The following SPTBN4 variants were observed in gnomAD, a reference collection of about 807,000 sequenced individuals.
SPTBN4 encodes the protein spectrin beta, non-erythrocytic 4, also known as spectrin beta chain, non-erythrocytic 4.
A neutral mutation model predicts 277.8 loss-of-function variants in SPTBN4; 96 were observed. The observed-to-expected ratio is 0.35, with a 90% CI of 0.29 to 0.41. SPTBN4 has a LOEUF of 0.41. Among genes scored for constraint, SPTBN4 ranks in the 10% least tolerant of loss-of-function variants. The pLI, the probability that SPTBN4 is intolerant of heterozygous loss-of-function variation, is 1.00. For synonymous variants in SPTBN4, 1,481 were observed against 1,580.3 expected, an observed-to-expected ratio of 0.94 and a Z score of 1.49; for missense variants, 3,006 against 3,595.7, an observed-to-expected ratio of 0.84 and a Z score of 4.19.
intron 13 of SPTBN4, among the ~76,000 whole-genome samples, chr19:40,507,734 C>T (rs2080346295): frequency 6.6e-6 from 1 of 152,078 alleles, no homozygotes; most frequent in Non-Finnish European, 1.5e-5. Context: ...ACTCAGGAGG[C>T]TGAGGTGGGA....
Position 40,523,423 on chromosome 19 carries a change from T to G in SPTBN4, c.3655-14T>G. The stretch of plus-strand genomic sequence containing the variant: ...AATGAGGCTGACCTTTGCACCACGC[T>G]CCCTCCTCCCCAGGAGATGGCGCTG... On this transcript the variant is annotated splice_polypyrimidine_tract_variant and intron_variant, in intron 16 of 35. Transcript: ENST00000598249. 6.3e-7 allele frequency: 1 copy of G among 1,583,788 alleles called. No homozygotes were observed. Among genetic ancestry groups the G allele is most frequent in the East Asian group, 2.3e-5 (1 of 43,556 alleles).
chr19:40,529,124 G>T lies in SPTBN4; in HGVS notation c.3941G>T (p.Cys1314Phe), dbSNP rs754126425. 1 of 1,613,902 alleles carries T rather than the reference G, an allele frequency of 6.2e-7. No homozygotes were observed. The highest frequency in any genetic ancestry group is 1.1e-5 in the South Asian group (1 of 91,078). Reference protein sequence around the residue: ...QLELQHFLRDCHELDGWIHEK... With the variant: ...QLELQHFLRDFHELDGWIHEK... The stretch of plus-strand genomic sequence containing the variant: ...GAGCTGCAGCACTTCCTCCGAGACT[G>T]CCACGAGGTAGGAACTCCAGGTGTG... The change falls in exon 18 of 36, where the codon TGC (cysteine) becomes TTC (phenylalanine). Residue 1314 changes from cysteine to phenylalanine, a missense_variant. Coordinates refer to ENST00000598249, the MANE Select transcript of SPTBN4 (RefSeq NM_020971.3).
intron 17 of SPTBN4, among the ~76,000 whole-genome samples, chr19:40,527,597 T>C (rs188651258): frequency 1.3e-5 from 2 of 152,272 alleles, no homozygotes; most frequent in East Asian, 1.9e-4. Context: ...TGAGTAGATG[T>C]TGGGGGAAGG....
At chr19:40,559,845 A>T (rs1026230734) in intron 26 of SPTBN4, among the ~76,000 whole-genome samples, 15 of 152,236 alleles carry the variant, frequency 9.9e-5, no homozygotes, top group Non-Finnish European at 2.9e-5. Context: ...CAAAGTGGAA[A>T]GGGGTTTCCT....
chr19:40,548,472 A>G (rs1190164255), intron 20 of SPTBN4, among the ~76,000 whole-genome samples: 1 of 151,906 alleles, frequency 6.6e-6, no homozygotes, highest in Non-Finnish European at 1.5e-5. Context: ...CCTGGATGAC[A>G]CAGCACCCAG....
intron 35 of SPTBN4, among the ~76,000 whole-genome samples, chr19:40,573,390 T>C (rs928382090): frequency 6.6e-6 from 1 of 152,184 alleles, no homozygotes; most frequent in African/African-American, 2.4e-5. Context: ...TGCAAAGGGT[T>C]AACTGCTGGA....
Position 40,560,676 on chromosome 19 carries a change from A to G in SPTBN4, c.5915+273A>G, listed in dbSNP as rs540576718. ...TCTCCATGGGATGTCACAGCATGAA[A>G]CAGGCTAAAGACAGGATGGGCAAGG... is the stretch of plus-strand genomic sequence containing the variant. On this transcript the variant is annotated intron_variant, in intron 27 of 35. Coordinates refer to ENST00000598249, the MANE Select transcript of SPTBN4 (RefSeq NM_020971.3). This position sits in a 1 kb window ranked among gnomAD's most constrained non-coding sequence, Gnocchi z 5.2. 7.7e-6 allele frequency: 11 copies of G among 1,423,946 alleles called. No individual in the cohort carries two copies. The Admixed American group carries it at 2.0e-4, about 26-fold the overall frequency. 88.2% of individuals were successfully genotyped at this position (1,423,946 alleles called of 1,614,324 possible).
intron 18 of SPTBN4, among the ~76,000 whole-genome samples, chr19:40,532,295 G>C (rs1327543094): frequency 6.6e-6 from 1 of 151,580 alleles, no homozygotes; most frequent in East Asian, 1.9e-4. Flanking sequence ...TTTTGGGGGG[G>C]GTGATCTGTC....
At chr19:40,480,296 T>C (rs1024268756) in intron 2 of SPTBN4, among the ~76,000 whole-genome samples, 1 of 150,340 alleles carries the variant, frequency 6.7e-6, no homozygotes, top group Admixed American at 6.6e-5. Context: ...GGCATGAGCC[T>C]GTAGTCCTAG....
At position 40,550,284 on chromosome 19, in the gene SPTBN4, G is replaced by A. The variant is rs1350979711; in HGVS notation, c.4631G>A (p.Gly1544Asp). The A allele has an allele frequency of 6.2e-7, 1 of 1,612,580 alleles. No individual in the cohort carries two copies. Among genetic ancestry groups the A allele is most frequent in the Admixed American group, 1.7e-5 (1 of 59,996 alleles). Residue 1544 changes from glycine to aspartate, a missense_variant, in exon 22 of 36, where the codon GGC (glycine) becomes GAC (aspartate). Physicochemically the swap from Gly to Asp is moderately conservative, Grantham distance 94 (BLOSUM62 -1). Transcript: ENST00000598249. ...RLPLAMQTER[G>D]NGLQAVQQHI... ...CCACTGGCCATGCAGACAGAGCGAGGCAACGGTTTGCAGGCGGTCCAGCAG... is the reference window on the plus strand; with the variant it reads ...CCACTGGCCATGCAGACAGAGCGAGACAACGGTTTGCAGGCGGTCCAGCAG...
chr19:40,501,171 G>A (rs928862821), intron 7 of SPTBN4, among the ~76,000 whole-genome samples: 2 of 151,740 alleles, frequency 1.3e-5, no homozygotes, highest in Admixed American at 1.3e-4. Context: ...CTAGGAGCTC[G>A]AGGCTGCAGT....
rs1241471490 is a variant in SPTBN4, at chr19:40,519,649, G to A, written c.3152G>A (p.Arg1051His). The A allele has an allele frequency of 7.1e-7, 1 of 1,400,502 alleles. No homozygotes were observed. Among genetic ancestry groups the A allele is most frequent in the Non-Finnish European group, 9.2e-7 (1 of 1,089,100 alleles). 86.8% of individuals were successfully genotyped at this position (1,400,502 alleles called of 1,614,324 possible). ...LLEEAALLAE[R>H]FPAQAARLHQ... The stretch of plus-strand genomic sequence containing the variant: ...GAGGAGGCAGCCCTGCTGGCTGAGC[G>A]CTTCCCGGCGCAGGCGGCGCGGCTG... The change falls in exon 16 of 36, where the codon CGC becomes CAC. Residue 1051 changes from arginine (R) to histidine (H), a missense_variant. By Grantham distance (29) the Arg-to-His change is conservative (BLOSUM62 0). Around this residue, in one of 5 missense-constraint regions of SPTBN4, gnomAD observed 1,759 missense variants for 2,061.5 expected, o/e 0.85. Coordinates refer to ENST00000598249, the MANE Select transcript of SPTBN4 (RefSeq NM_020971.3). The surrounding 1 kb of genome is among the most constrained non-coding windows in gnomAD (Gnocchi z 5.7).
At chr19:40,471,085 G>C (rs570430404) in intron 1 of SPTBN4, among the ~76,000 whole-genome samples, 3 of 151,418 alleles carry the variant, frequency 2.0e-5, no homozygotes, top group Non-Finnish European at 2.9e-5. Context: ...GAATACCTGG[G>C]ATTACAAGTG....
intron 35 of SPTBN4, among the ~76,000 whole-genome samples, chr19:40,573,751 T>G (rs2081175684): frequency 6.6e-6 from 1 of 151,690 alleles, no homozygotes; most frequent in Non-Finnish European, 1.5e-5. Flanking sequence ...TGCAGTGAGC[T>G]GAGACAGCGC....
At chr19:40,517,607 T>G (rs949586215) in intron 15 of SPTBN4, among the ~76,000 whole-genome samples, 1 of 152,136 alleles carries the variant, frequency 6.6e-6, no homozygotes, top group Non-Finnish European at 1.5e-5. Context: ...AAGACTACGC[T>G]CTTGACTCTG....
rs2080330778 is a variant in SPTBN4, at chr19:40,506,383, C to T, written c.1813C>T (p.Gln605Ter). The T allele has an allele frequency of 1.2e-6, 2 of 1,611,120 alleles. No individual in the cohort carries two copies. Among genetic ancestry groups the T allele is most frequent in the Non-Finnish European group, 1.7e-6 (2 of 1,178,108 alleles). ...NAAALRFSQL[Q>*]GYQPCDPQVI... is the part of the protein sequence containing the mutation. ...CGCTGCCCTGCGCTTCTCCCAGCTG[C>T]AGGGTGAGTCTTGGGGCTGGGGCTG... Residue 605 changes from glutamine to a stop codon, truncating the protein, a stop_gained, in exon 13 of 36, where the codon CAG (glutamine) becomes TAG (stop). Transcript: ENST00000598249. LOFTEE classifies it high-confidence loss of function.
chr19:40,487,901 G>A, intron 3 of SPTBN4, 53 bp downstream of exon 3: 1 of 1,512,300 alleles, frequency 6.6e-7, no homozygotes. Flanking sequence ...TCTCAGGCTG[G>A]GGGTTGGGCT....
At chr19:40,534,418 G>C (rs1200840576) in intron 20 of SPTBN4, 75 bp downstream of exon 20, 2 of 1,531,430 alleles carry the variant, frequency 1.3e-6, no homozygotes, top group Non-Finnish European at 1.8e-6. Context: ...CCCACTCAAG[G>C]TATGTCAAGT....
chr19:40,493,852 C>T (rs1429350752), intron 5 of SPTBN4, among the ~76,000 whole-genome samples: 1 of 152,186 alleles, frequency 6.6e-6, no homozygotes, highest in Non-Finnish European at 1.5e-5. Context: ...TTCTCTCTCT[C>T]CCCCATCCCA....
Sources: gnomAD v4.1 joint callset for allele counts (sites outside exome capture counted in the v4.1 genomes callset) on GRCh38, gnomAD v4.1.1 for gene constraint, gnomAD v4.1.1 regional missense constraint, Gnocchi (gnomAD v3.1) non-coding constraint, MANE v1.5 for transcripts, NCBI Gene and HGNC (gene_info 2026-07-23, HGNC 2026-07-21) for gene names.